Variants in VPS33A observed in about 807,000 individuals in gnomAD.
VPS33A encodes the protein vacuolar protein sorting-associated protein 33A.
A neutral mutation model predicts 71.8 loss-of-function variants in VPS33A; 32 were observed. That is an observed-to-expected ratio of 0.45 (90% CI 0.34 to 0.60). The LOEUF (loss-of-function observed/expected upper bound fraction) is 0.60. Among genes scored for constraint, VPS33A ranks in the 20% least tolerant of loss-of-function variants. The probability of loss-of-function intolerance (pLI) is 0.02; values close to 1 mark genes in which losing one functional copy is unlikely to be tolerated. For missense variants in VPS33A, 625 were observed against 748.5 expected (o/e 0.84, Z 1.92); for synonymous variants, 311 against 292.7 (o/e 1.06, Z -0.64).
At chr12:122,256,028 T>G (rs1421255149) in intron 4 of VPS33A, among the ~76,000 whole-genome samples, 1 of 152,108 alleles carries the variant, frequency 6.6e-6, no homozygotes, top group African/African-American at 2.4e-5. Context: ...ACTCCTGGCC[T>G]TAAGTGATCC....
chr12:122,243,317 C>A (rs2136131038), intron 7 of VPS33A, among the ~76,000 whole-genome samples: 1 of 152,284 alleles, frequency 6.6e-6, no homozygotes, highest in South Asian at 2.1e-4. Flanking sequence ...GTCATCACAG[C>A]TCACTGCAGC....
rs776576405 is a variant in VPS33A at position 122,232,800 on chromosome 12, G to A, written c.1609C>T (p.Arg537Cys). 22 of 1,610,290 alleles carry A rather than the reference G, an allele frequency of 1.4e-5. No individual in the cohort carries two copies. Among genetic ancestry groups the A allele is most frequent in the East Asian group, 2.2e-5 (1 of 44,796 alleles). ...CTGTAGATGCTGGACTGGGACTTAC[G>A]TTTCTTCTGCAGTCCTGTGGGCAGT... ...QPLPTGLQKKRQPGENRVTLI... is the reference protein window; with the variant it reads ...QPLPTGLQKKCQPGENRVTLI... The change falls in exon 12 of 13, where the codon CGT (arginine) becomes TGT (cysteine). Residue 537 changes from arginine (R) to cysteine (C), a missense_variant and splice_region_variant. Physicochemically the swap from Arg to Cys is radical, Grantham distance 180. Coordinates refer to ENST00000267199, the MANE Select transcript of VPS33A (RefSeq NM_022916.6).
At chr12:122,263,473 G>T in intron 3 of VPS33A, 99 bp downstream of exon 3, 1 of 1,393,076 alleles carries the variant, frequency 7.2e-7, no homozygotes, top group Non-Finnish European at 9.5e-7. Context: ...AGACCACCTT[G>T]CACTGGCAAG....
chr12:122,232,364 A>G lies in VPS33A; in HGVS notation c.1673T>C (p.Ile558Thr). 1 of 1,614,162 alleles carries G rather than the reference A, an allele frequency of 6.2e-7. No homozygotes were observed. Among genetic ancestry groups the G allele is most frequent in the Non-Finnish European group, 8.5e-7 (1 of 1,180,020 alleles). The change falls in exon 13 of 13, where the codon ATT becomes ACT. Residue 558 changes from isoleucine (I) to threonine (T), a missense_variant. By Grantham distance (89) the Ile-to-Thr change is moderately conservative. Transcript: ENST00000267199. ...FFLGGVTFAE[I>T]AALRFLSQLE... is the part of the protein sequence containing the mutation. ...CTGGGAGAGAAATCGCAGGGCAGCA[A>G]TTTCAGCGAAGGTTACGCCCCCAAG...
At chr12:122,265,425 T>G (rs1353060562) in intron 1 of VPS33A, among the ~76,000 whole-genome samples, 12 of 152,262 alleles carry the variant, frequency 7.9e-5, no homozygotes, top group Non-Finnish European at 5.9e-5. Context: ...TAAATAATTG[T>G]ACATTAACGT....
At chr12:122,254,028 C>G (rs868559149) in intron 4 of VPS33A, among the ~76,000 whole-genome samples, 16 of 152,200 alleles carry the variant, frequency 1.1e-4, no homozygotes, top group South Asian at 8.3e-4. Context: ...CAAAGTCTCA[C>G]ATACCCACAC....
intron 4 of VPS33A, chr12:122,253,657 T>C (rs569156695): frequency 1.9e-5 from 3 of 154,484 alleles, no homozygotes; most frequent in African/African-American, 7.2e-5. Flanking sequence ...TTTTACAATA[T>C]TTTTTAAAAG....
chr12:122,260,169 C>T (rs1368808686), intron 4 of VPS33A, among the ~76,000 whole-genome samples: 5 of 152,034 alleles, frequency 3.3e-5, no homozygotes, highest in Non-Finnish European at 1.5e-5. Context: ...GGATTCTTTT[C>T]GGAATAGTTA....
At chr12:122,263,842 T>C in intron 2 of VPS33A, 143 bp from the exon 3 acceptor site, 1 of 1,077,664 alleles carries the variant, frequency 9.3e-7, no homozygotes, top group Non-Finnish European at 1.3e-6. Context: ...GCCAAATACA[T>C]AAAGGACAAA....
intron 3 of VPS33A, among the ~76,000 whole-genome samples, chr12:122,263,200 C>T (rs1473960990): frequency 6.6e-6 from 1 of 151,966 alleles, no homozygotes; most frequent in Admixed American, 6.6e-5. Context: ...ACTATGTTGG[C>T]CAGGCTGGTC....
intron 5 of VPS33A, 71 bp downstream of exon 5, chr12:122,250,912 G>A: frequency 9.1e-7 from 1 of 1,098,902 alleles, no homozygotes; most frequent in Non-Finnish European, 1.4e-6. Context: ...TTTGTAAGGA[G>A]CTTCCCGTTC....
chr12:122,235,539 T>C (rs998000164), intron 11 of VPS33A, among the ~76,000 whole-genome samples: 3 of 151,884 alleles, frequency 2.0e-5, no homozygotes, highest in Non-Finnish European at 4.4e-5. Context: ...GCTGGGATTA[T>C]AGGTGTGAGC....
At chr12:122,262,261 C>G (rs564663441) in intron 3 of VPS33A, among the ~76,000 whole-genome samples, 1 of 152,240 alleles carries the variant, frequency 6.6e-6, no homozygotes, top group East Asian at 1.9e-4. Flanking sequence ...TCTTTCTTCC[C>G]CCTGACAGGA....
chr12:122,239,507 G>C (rs551216790), intron 9 of VPS33A, among the ~76,000 whole-genome samples: 17 of 152,126 alleles, frequency 1.1e-4, no homozygotes, highest in Non-Finnish European at 1.5e-5. Flanking sequence ...AGGCCAAGGT[G>C]GGCGGATCAC....
chr12:122,258,969 A>C (rs1310748849), intron 4 of VPS33A, among the ~76,000 whole-genome samples: 1 of 148,764 alleles, frequency 6.7e-6, no homozygotes, highest in East Asian at 1.9e-4. Flanking sequence ...GCTGGGTGAC[A>C]AAGTGACAAT....
At chr12:122,264,951 C>CTTTTTTTT (rs1178276020) in intron 1 of VPS33A, 1 of 134,970 alleles carries the variant, frequency 7.4e-6, no homozygotes, top group African/African-American at 2.7e-5. Flanking sequence ...GATTTTTTTT[C>CTTTTTTTT]TTTTTTTTTT....
chr12:122,231,553 G>A lies in VPS33A; in HGVS notation c.*693C>T, dbSNP rs1954560466. ...AGAAATACAGCACTGGGGATTAGAG[G>A]ATGAACTTTCTCTTTTTATTTTCAG... On this transcript the variant is annotated 3_prime_UTR_variant, in exon 13 of 13. Transcript: ENST00000267199. The A allele has an allele frequency of 6.6e-6, 1 of 152,184 alleles. No individual in the cohort carries two copies. Among genetic ancestry groups the A allele is most frequent in the Admixed American group, 6.5e-5 (1 of 15,278 alleles). The allele number at this position is 152,184 out of a possible 1,614,324, so 9.4% of individuals were successfully genotyped here.
chr12:122,262,546 A>C (rs868237834), intron 3 of VPS33A, among the ~76,000 whole-genome samples: 1 of 151,762 alleles, frequency 6.6e-6, no homozygotes. Flanking sequence ...CACAGAGTGC[A>C]GACTCGGCTG....
At position 122,232,321 on chromosome 12, in the gene VPS33A, T is replaced by C. The variant is rs1372558012; in HGVS notation, c.1716A>G (p.Thr572=). 6.2e-7 allele frequency: 1 copy of C among 1,614,242 alleles called. No homozygotes were observed. The highest frequency in any genetic ancestry group is 8.5e-7 in the Non-Finnish European group (1 of 1,180,040). The change falls in exon 13 of 13, where the codon ACA becomes ACG. Residue 572 remains threonine (T), a synonymous_variant. Transcript: ENST00000267199. The part of the protein sequence containing the change: ...RFLSQLEDGG[T]EYVIATTKLM... ...GTTTAGTGGTGGCAATGACATATTC[T>C]GTACCTCCATCTTCCAACTGGGAGA...
Sources: allele counts gnomAD v4.1 joint callset (sites outside exome capture counted in the v4.1 genomes callset), GRCh38; gene constraint gnomAD v4.1.1; transcripts MANE v1.5; gene names NCBI Gene and HGNC (gene_info 2026-07-23, HGNC 2026-07-21).